The following DOCK10 variants were observed in gnomAD, a reference collection of about 807,000 sequenced individuals.
The protein encoded by DOCK10 is dedicator of cytokinesis protein 10.
In DOCK10, 145 loss-of-function variants were observed where a neutral mutation model predicts 280.1. The ratio of observed to expected loss-of-function variants is 0.52; its 90% CI spans 0.45 to 0.59. DOCK10 has a LOEUF of 0.59. Among genes scored for constraint, DOCK10 ranks in the 20% least tolerant of loss-of-function variants. DOCK10 has a pLI of 0.00. For synonymous variants in DOCK10, 915 were observed against 942.2 expected (o/e 0.97, Z 0.53); for missense variants, 2,368 against 2,651.7 (o/e 0.89, Z 2.35).
intron 1 of DOCK10, among the ~76,000 whole-genome samples, chr2:224,966,536 T>C (rs978350406): frequency 1.6e-4 from 24 of 152,294 alleles, no homozygotes; most frequent in African/African-American, 7.2e-5. Flanking sequence ...GTTTGCTTTA[T>C]CGCTATTTTC....
intron 55 of DOCK10, among the ~76,000 whole-genome samples, chr2:224,768,118 T>C (rs1202707897): frequency 2.6e-5 from 4 of 152,078 alleles, no homozygotes; most frequent in African/African-American, 9.7e-5. Context: ...GGTTTCACCA[T>C]GTTGGCCAAG....
At chr2:224,890,972 T>C (rs1020818874) in intron 4 of DOCK10, among the ~76,000 whole-genome samples, 1 of 152,224 alleles carries the variant, frequency 6.6e-6, no homozygotes, top group Non-Finnish European at 1.5e-5. Context: ...TTTAAAGGCG[T>C]GCATTCCGAA....
chr2:224,807,660 A>T lies in DOCK10; in HGVS notation c.3702+8T>A, dbSNP rs1693487644. 16 of 1,495,414 alleles carry T rather than the reference A, an allele frequency of 1.1e-5. No homozygotes were observed. The highest frequency in any genetic ancestry group is 1.4e-5 in the Non-Finnish European group (15 of 1,102,702). 92.6% of individuals were successfully genotyped at this position (1,495,414 alleles called of 1,614,324 possible). ...AACATAGAAATGTGACATATTGTGC[A>T]AACGTACCTGATTAGATGTATTGAC... On this transcript the variant is annotated splice_region_variant and intron_variant, in intron 33 of 55. Coordinates refer to ENST00000258390, the MANE Select transcript of DOCK10 (RefSeq NM_014689.3).
chr2:224,881,297 T>A (rs1698961854), intron 7 of DOCK10, among the ~76,000 whole-genome samples: 1 of 152,208 alleles, frequency 6.6e-6, no homozygotes, highest in Non-Finnish European at 1.5e-5. Context: ...CCTGGAAGCT[T>A]TTTGAAGACA....
intron 1 of DOCK10, among the ~76,000 whole-genome samples, chr2:224,959,497 G>T (rs1236101962): frequency 6.9e-6 from 1 of 145,326 alleles, no homozygotes; most frequent in Non-Finnish European, 1.5e-5. Flanking sequence ...TTTTCAATCA[G>T]AGCTCCTCTT....
chr2:224,976,471 C>T (rs1253520385), intron 1 of DOCK10, among the ~76,000 whole-genome samples: 1 of 152,000 alleles, frequency 6.6e-6, no homozygotes, highest in Admixed American at 6.6e-5. Flanking sequence ...CCCATTTAGC[C>T]AACTAGGAGA....
chr2:224,795,999 A>T (rs529556255), intron 44 of DOCK10, among the ~76,000 whole-genome samples: 1 of 151,404 alleles, frequency 6.6e-6, no homozygotes, highest in Non-Finnish European at 1.5e-5. Context: ...TTGATAGTTT[A>T]CTTTGAGGAG....
chr2:225,034,880 A>G (rs949757310), intron 1 of DOCK10, among the ~76,000 whole-genome samples: 4 of 152,262 alleles, frequency 2.6e-5, no homozygotes, highest in African/African-American at 7.2e-5. Flanking sequence ...GAGGAGTAAC[A>G]TTCACCTCAC....
intron 1 of DOCK10, among the ~76,000 whole-genome samples, chr2:224,943,372 A>G (rs1044907068): frequency 1.4e-4 from 21 of 152,206 alleles, no homozygotes; most frequent in African/African-American, 4.6e-4. Flanking sequence ...TATACAGACT[A>G]GTCCATCTGG....
intron 1 of DOCK10, among the ~76,000 whole-genome samples, chr2:225,023,754 A>G (rs1689844889): frequency 6.6e-6 from 1 of 152,218 alleles, no homozygotes; most frequent in Admixed American, 6.5e-5. Context: ...AGCAAAAACC[A>G]AAAACTAAAT....
chr2:224,921,773 A>G (rs1443090494), intron 2 of DOCK10, among the ~76,000 whole-genome samples: 2 of 152,146 alleles, frequency 1.3e-5, no homozygotes, highest in Non-Finnish European at 2.9e-5. Flanking sequence ...TCTTAGTTGT[A>G]TTTTATTATA....
At chr2:224,846,254 C>G (rs1184516509) in intron 19 of DOCK10, among the ~76,000 whole-genome samples, 2 of 152,284 alleles carry the variant, frequency 1.3e-5, no homozygotes, top group East Asian at 3.9e-4. Flanking sequence ...TAAACACACA[C>G]ACAAATGTAA....
chr2:224,918,525 G>C (rs1284455290), intron 2 of DOCK10, among the ~76,000 whole-genome samples: 1 of 149,034 alleles, frequency 6.7e-6, no homozygotes, highest in Non-Finnish European at 1.5e-5. Context: ...TGTAGTGTTA[G>C]AGTGTGTGAC....
At chr2:224,928,379 G>C (rs572633861) in intron 2 of DOCK10, among the ~76,000 whole-genome samples, 135 of 152,232 alleles carry the variant, frequency 8.9e-4, no homozygotes, top group African/African-American at 3.2e-3. Context: ...AATGGTGTCC[G>C]TGTTCAATAA....
intron 31 of DOCK10, among the ~76,000 whole-genome samples, chr2:224,812,393 C>T (rs1198809460): frequency 6.6e-6 from 1 of 152,152 alleles, no homozygotes. Flanking sequence ...TGGGCTGAGA[C>T]AATGAGGTTT....
chr2:224,817,010 G>T (rs1461386048), intron 29 of DOCK10, among the ~76,000 whole-genome samples: 4 of 152,126 alleles, frequency 2.6e-5, no homozygotes, highest in Non-Finnish European at 5.9e-5. Context: ...CTTTTAGCAT[G>T]AATCATGACA....
chr2:224,925,348 T>C (rs912924251), intron 2 of DOCK10, among the ~76,000 whole-genome samples: 2 of 152,182 alleles, frequency 1.3e-5, no homozygotes, highest in Admixed American at 1.3e-4. Flanking sequence ...GAACAAGCCA[T>C]TGGTATATTA....
chr2:224,883,659 C>A (rs139912742), intron 7 of DOCK10, among the ~76,000 whole-genome samples: 1 of 152,150 alleles, frequency 6.6e-6, no homozygotes. Flanking sequence ...GATTTGAATG[C>A]GGACTTGCAT....
chr2:224,819,239 C>T (rs960822425), intron 29 of DOCK10, among the ~76,000 whole-genome samples: 3 of 152,186 alleles, frequency 2.0e-5, no homozygotes, highest in African/African-American at 7.2e-5. Context: ...GAAATGTAAA[C>T]ACTTTCATTC....
Sources: gnomAD v4.1 joint callset for allele counts (sites outside exome capture counted in the v4.1 genomes callset) on GRCh38, gnomAD v4.1.1 for gene constraint, MANE v1.5 for transcripts, NCBI Gene and HGNC (gene_info 2026-07-23, HGNC 2026-07-21) for gene names.